Variants in LGALS12 observed in about 807,000 individuals in gnomAD.
The protein encoded by LGALS12 is galectin 12.
LGALS12 carries 36 observed loss-of-function variants against 36.8 expected under a neutral mutation model. The observed-to-expected ratio is 0.98, with a 90% CI of 0.75 to 1.29. The LOEUF is 1.29. LGALS12 is among the 50% of genes most tolerant of loss of function. The pLI is 0.00. For missense variants in LGALS12, 366 were observed against 394.3 expected (o/e 0.93, Z 0.61); for synonymous variants, 145 against 155.9 (o/e 0.93, Z 0.52).
chr11:63,508,837 A>G lies in LGALS12; in HGVS notation c.218A>G (p.His73Arg). ...SLCPRPDIAF[H>R]FNPRFHTTKP... ...TGTCCCCGGCCAGATATCGCCTTCC[A>G]CTTCAACCCTCGCTTCCATACCACC... Residue 73 changes from histidine to arginine, a missense_variant, in exon 3 of 9, where the codon CAC becomes CGC. Coordinates refer to ENST00000394618, the MANE Select transcript of LGALS12 (RefSeq NM_033101.4). The G allele has an allele frequency of 3.1e-6, 5 of 1,614,174 alleles. No homozygotes were observed. Among genetic ancestry groups the G allele is most frequent in the Non-Finnish European group, 4.2e-6 (5 of 1,180,030 alleles).
At chr11:63,516,177 G>T in intron 8 of LGALS12, 70 bp from the exon 9 acceptor site, 1 of 1,508,794 alleles carries the variant, frequency 6.6e-7, no homozygotes. Flanking sequence ...GGTCTCACTG[G>T]AGAGAGCGTC....
rs200256001 is a variant in LGALS12, at chr11:63,509,008, G to A, written c.372+17G>A. The stretch of plus-strand genomic sequence containing the variant: ...GAAGTGAAGGTGAAGGAAGGGACGG[G>A]CATTGGGTGGTCTAGAATTTGTGTC... On this transcript the variant is annotated intron_variant, in intron 3 of 8. Coordinates refer to ENST00000394618, the MANE Select transcript of LGALS12 (RefSeq NM_033101.4). 2.0e-4 allele frequency: 323 copies of A among 1,595,812 alleles called. No homozygotes were observed. Among genetic ancestry groups the A allele is most frequent in the Non-Finnish European group, 2.7e-4 (315 of 1,164,008 alleles).
chr11:63,510,547 C>A (rs577245890), intron 5 of LGALS12, 46 bp downstream of exon 5: 1 of 1,592,606 alleles, frequency 6.3e-7, no homozygotes, highest in South Asian at 1.1e-5. Flanking sequence ...CCAGCTGACC[C>A]GCCCTTCTGG....
At chr11:63,508,504 C>CT in intron 1 of LGALS12, 49 bp from the exon 2 acceptor site, 1 of 1,612,830 alleles carries the variant, frequency 6.2e-7, no homozygotes, top group Non-Finnish European at 8.5e-7. Context: ...ATAGAGGTCC[C>CT]TAAGCCCTTT....
At chr11:63,510,212 T>G (rs2016877248) in intron 4 of LGALS12, among the ~76,000 whole-genome samples, 1 of 152,104 alleles carries the variant, frequency 6.6e-6, no homozygotes, top group Non-Finnish European at 1.5e-5. Context: ...GCAGCTGGCT[T>G]TATCATTCCC....
At chr11:63,512,257 G>C (rs111531443) in intron 7 of LGALS12, among the ~76,000 whole-genome samples, 10 of 152,194 alleles carry the variant, frequency 6.6e-5, no homozygotes, top group Non-Finnish European at 1.3e-4. Flanking sequence ...AGGACTTGGA[G>C]GGACCCAGTG....
In LGALS12 at chr11:63,512,806, A is replaced by G. The variant is rs149570077; in HGVS notation, c.647+966A>G. On this transcript the variant is annotated intron_variant, in intron 7 of 8. Coordinates refer to ENST00000394618, the MANE Select transcript of LGALS12 (RefSeq NM_033101.4). ...TCCATCTCAAAAAAAAAAAAAAAAG[A>G]TAGAGGGGGTTGATAATAATGCCGA... 4.6e-3 allele frequency among the ~76,000 whole-genome samples: 673 copies of G among 145,974 alleles called. 5 individuals are homozygous for G. Among genetic ancestry groups the G allele is most frequent in the African/African-American group, 0.016 (626 of 39,402 alleles).
intron 3 of LGALS12, 27 bp downstream of exon 3, chr11:63,509,018 G>A (rs1488685133): frequency 2.5e-6 from 4 of 1,584,086 alleles, no homozygotes; most frequent in Non-Finnish European, 3.5e-6. Context: ...GCATTGGGTG[G>A]TCTAGAATTT....
chr11:63,508,378 G>T, intron 1 of LGALS12, 175 bp from the exon 2 acceptor site: 1 of 1,440,618 alleles, frequency 6.9e-7, no homozygotes, highest in Non-Finnish European at 9.1e-7. Context: ...GTCCAGGAAA[G>T]GGGATTAGGT....
chr11:63,509,468 C>T (rs117129099), intron 3 of LGALS12, among the ~76,000 whole-genome samples: 3,295 of 152,274 alleles, frequency 0.022, 56 homozygotes, highest in Non-Finnish European at 0.034. Flanking sequence ...GGGAGGGTAG[C>T]CTCTTGAGCC....
chr11:63,515,485 C>A lies in LGALS12; in HGVS notation c.648-78C>A. 1.9e-6 allele frequency: 3 copies of A among 1,550,044 alleles called. No homozygotes were observed. The African/African-American group carries it at 4.1e-5, about 21-fold the overall frequency. ...AACCTTCCATCCACTCCCTGACCTCCATCCTTCCCCTGGGGGCTGAGCAGC... is the reference window on the plus strand; with the variant it reads ...AACCTTCCATCCACTCCCTGACCTCAATCCTTCCCCTGGGGGCTGAGCAGC... On this transcript the variant is annotated intron_variant, in intron 7 of 8. Coordinates refer to ENST00000394618, the MANE Select transcript of LGALS12 (RefSeq NM_033101.4).
intron 7 of LGALS12, among the ~76,000 whole-genome samples, chr11:63,512,154 A>C (rs2134326521): frequency 6.6e-6 from 1 of 152,348 alleles, no homozygotes; most frequent in South Asian, 2.1e-4. Context: ...GCTGAGGCCC[A>C]GAGCAAACAT....
chr11:63,509,114 C>T (rs1182532957), intron 3 of LGALS12, 123 bp downstream of exon 3: 8 of 804,854 alleles, frequency 9.9e-6, no homozygotes, highest in Non-Finnish European at 1.6e-5. Context: ...ACCAAGAGGA[C>T]CAAGGAGCTG....
chr11:63,509,958 G>A, intron 4 of LGALS12, 61 bp downstream of exon 4: 1 of 1,569,886 alleles, frequency 6.4e-7, no homozygotes, highest in South Asian at 1.2e-5. Flanking sequence ...CTGACTCCTG[G>A]ACGGGCCTGG....
rs754593797 is a variant in LGALS12 at position 63,515,737 on chromosome 11, A to C, written c.798+24A>C. Reference sequence around the variant, plus strand: ...AGGTAGGTCAGAGCCAAATGATTACATCCCTTCAGGCTGGAGCACAGAGCT... The same window carrying C: ...AGGTAGGTCAGAGCCAAATGATTACCTCCCTTCAGGCTGGAGCACAGAGCT... On this transcript the variant is annotated intron_variant, in intron 8 of 8. Coordinates refer to ENST00000394618, the MANE Select transcript of LGALS12 (RefSeq NM_033101.4). 4 of 1,611,636 alleles carry C rather than the reference A, an allele frequency of 2.5e-6. No individual in the cohort carries two copies. In the Admixed American group the frequency reaches 6.7e-5, roughly 27 times the overall value.
rs989610216 is a variant in LGALS12, at chr11:63,508,358, C to T, written c.70-195C>T. 1.5e-5 allele frequency: 21 copies of T among 1,428,732 alleles called. No individual in the cohort carries two copies. In the South Asian group the frequency reaches 3.0e-4, roughly 21 times the overall value. 88.5% of individuals were successfully genotyped at this position (1,428,732 alleles called of 1,614,324 possible). On this transcript the variant is annotated intron_variant, in intron 1 of 8. Transcript: ENST00000394618. ...ACTTCTCTGGTGTAATGCAGCTTTG[C>T]CGTGTGACGGTCCAGGAAAGGGGAT...
intron 4 of LGALS12, 58 bp downstream of exon 4, chr11:63,509,955 C>A: frequency 6.4e-7 from 1 of 1,569,228 alleles, no homozygotes; most frequent in East Asian, 2.3e-5. Flanking sequence ...CCCCTGACTC[C>A]TGGACGGGCC....
At position 63,509,765 on chromosome 11, in the gene LGALS12, T is replaced by C. The variant is rs1242338957; in HGVS notation, c.373-13T>C. 2 of 1,613,502 alleles carry C rather than the reference T, an allele frequency of 1.2e-6. No individual in the cohort carries two copies. The highest frequency in any genetic ancestry group is 2.7e-5 in the African/African-American group (2 of 74,934). On this transcript the variant is annotated splice_polypyrimidine_tract_variant and intron_variant, in intron 3 of 8. Transcript: ENST00000394618. ...TTAGCTGCTGATAAGCCAGCCTCTG[T>C]CTGTCTCTCCAGGTGAGTGTGAATG...
chr11:63,506,232 A>G lies in LGALS12; in HGVS notation c.-227A>G. On this transcript the variant is annotated 5_prime_UTR_variant, in exon 1 of 9. Coordinates refer to ENST00000394618, the MANE Select transcript of LGALS12 (RefSeq NM_033101.4). ...CTGCTGACAGCCCCCGCCCAGCCAG[A>G]GCTCTGCTGTATACCACCGGGAGTG... 1.4e-6 allele frequency: 1 copy of G among 711,138 alleles called. No individual in the cohort carries two copies. The highest frequency in any genetic ancestry group is 2.3e-6 in the Non-Finnish European group (1 of 438,596). The allele number at this position is 711,138 out of a possible 1,614,324, so 44.1% of individuals were successfully genotyped here. A position where few individuals can be genotyped will look rare whatever the true frequency, so the allele number is the denominator to read the frequency against.
Sources: allele counts gnomAD v4.1 joint callset (sites outside exome capture counted in the v4.1 genomes callset), GRCh38; gene constraint gnomAD v4.1.1; transcripts MANE v1.5; gene names NCBI Gene and HGNC (gene_info 2026-07-23, HGNC 2026-07-21).